HDLBP: variants seen among roughly 807,000 people sequenced by gnomAD.
HDLBP encodes high density lipoprotein binding protein, also known as vigilin.
Under a neutral mutation model 137.3 loss-of-function variants are expected in HDLBP, and 30 were observed. The ratio of observed to expected loss-of-function variants is 0.22; its 90% CI spans 0.16 to 0.30. The LOEUF (loss-of-function observed/expected upper bound fraction) is 0.30, where lower values mean the gene tolerates loss of function less well. Among genes scored for constraint, HDLBP ranks in the 10% least tolerant of loss-of-function variants. The pLI is 1.00. For synonymous variants in HDLBP, 606 were observed against 596.0 expected, an observed-to-expected ratio of 1.02 and a Z score of -0.24; for missense variants, 1,119 against 1,667.3, an observed-to-expected ratio of 0.67 and a Z score of 5.73.
chr2:241,308,134 C>T (rs913335324), intron 1 of HDLBP, among the ~76,000 whole-genome samples: 3 of 152,066 alleles, frequency 2.0e-5, no homozygotes, highest in Non-Finnish European at 4.4e-5. Context: ...TTTTTCCAGC[C>T]TGATGTGCGG....
chr2:241,293,395 G>A (rs2075068689), intron 1 of HDLBP, among the ~76,000 whole-genome samples: 1 of 152,166 alleles, frequency 6.6e-6, no homozygotes, highest in African/African-American at 2.4e-5. Flanking sequence ...CTGAGAGGCT[G>A]AGGCAGGAGG....
intron 2 of HDLBP, among the ~76,000 whole-genome samples, chr2:241,268,158 T>G (rs756018726): frequency 5.9e-5 from 9 of 152,130 alleles, no homozygotes; most frequent in African/African-American, 9.7e-5. Context: ...CTCCCCAAGT[T>G]GAAGAAAAGT....
chr2:241,307,487 A>T (rs1454333317), intron 1 of HDLBP, among the ~76,000 whole-genome samples: 1 of 152,200 alleles, frequency 6.6e-6, no homozygotes, highest in East Asian at 1.9e-4. Context: ...GTATTAATAG[A>T]TTAATACTGC....
intron 11 of HDLBP, 152 bp downstream of exon 11, chr2:241,252,805 C>G (rs2072299265): frequency 1.8e-6 from 1 of 545,202 alleles, no homozygotes; most frequent in African/African-American, 1.9e-5. Flanking sequence ...GTGGCCTCTT[C>G]CAGCAGGCAG....
chr2:241,296,789 A>G (rs1680082348), intron 1 of HDLBP, among the ~76,000 whole-genome samples: 2 of 152,146 alleles, frequency 1.3e-5, no homozygotes, highest in African/African-American at 4.8e-5. Context: ...TTAGAAACAC[A>G]TAACAAAAAA....
intron 5 of HDLBP, 133 bp from the exon 6 acceptor site, chr2:241,256,939 C>G (rs2149488377): frequency 1.3e-6 from 1 of 747,052 alleles, no homozygotes; most frequent in East Asian, 2.7e-5. Context: ...TCCATTAAAA[C>G]AGCATGAGCT....
rs200632148 is a variant in HDLBP, at chr2:241,236,735, C to T, written c.2784G>A (p.Gly928=). 8 of 1,614,158 alleles carry T rather than the reference C, an allele frequency of 5.0e-6. No homozygotes were observed. The highest frequency in any genetic ancestry group is 6.8e-6 in the Non-Finnish European group (8 of 1,180,014). ...HSTEPVVQEN[G]DEAGEGREAK... ...CCTCTCTCCCCTCCCCAGCTTCGTC[C>T]CCATTCTCCTGGACAACTGGCTCTG... The change falls in exon 21 of 28, where the codon GGG becomes GGA. Residue 928 remains glycine, a synonymous_variant. Coordinates refer to ENST00000310931, the MANE Select transcript of HDLBP (RefSeq NM_005336.6).
chr2:241,247,002 A>T, intron 15 of HDLBP, 54 bp downstream of exon 15: 1 of 1,556,524 alleles, frequency 6.4e-7, no homozygotes, highest in Admixed American at 1.7e-5. Context: ...AAAATGGTGC[A>T]GGGCTACAGA....
chr2:241,280,513 T>A (rs2074555276), intron 1 of HDLBP, among the ~76,000 whole-genome samples: 1 of 152,202 alleles, frequency 6.6e-6, no homozygotes, highest in Non-Finnish European at 1.5e-5. Context: ...TTTCAGGAAG[T>A]AACAGAAAAG....
chr2:241,272,836 C>T lies in HDLBP; in HGVS notation c.-102-4295G>A, dbSNP rs2074214846. On this transcript the variant is annotated intron_variant, in intron 1 of 27. Coordinates refer to ENST00000310931, the MANE Select transcript of HDLBP (RefSeq NM_005336.6). This position sits in a 1 kb window ranked among gnomAD's most constrained non-coding sequence, Gnocchi z 5.6. Reference sequence around the variant, plus strand: ...CGGGAGAAGCCGGGACGCTCCGAGGCGCGGCGCCCGGGCCCCGGCTGCTAT... The same window carrying T: ...CGGGAGAAGCCGGGACGCTCCGAGGTGCGGCGCCCGGGCCCCGGCTGCTAT... 1 of 281,694 alleles carries T rather than the reference C, an allele frequency of 3.5e-6. No individual in the cohort carries two copies. The highest frequency in any genetic ancestry group is 5.3e-6 in the Non-Finnish European group (1 of 186,950). The allele number at this position is 281,694 out of a possible 1,614,324, so 17.4% of individuals were successfully genotyped here. A position where few individuals can be genotyped will look rare whatever the true frequency, so the allele number is the denominator to read the frequency against.
intron 1 of HDLBP, among the ~76,000 whole-genome samples, chr2:241,284,157 C>A (rs1199390738): frequency 1.3e-5 from 2 of 152,276 alleles, no homozygotes; most frequent in South Asian, 2.1e-4. Flanking sequence ...ATTCTGCAGC[C>A]CATGGATCAA....
intron 1 of HDLBP, among the ~76,000 whole-genome samples, chr2:241,275,035 G>A (rs2074338046): frequency 6.6e-6 from 1 of 152,174 alleles, no homozygotes; most frequent in Non-Finnish European, 1.5e-5. Context: ...GGGGACTACA[G>A]GATGCCTTCT....
intron 1 of HDLBP, among the ~76,000 whole-genome samples, chr2:241,306,649 T>C (rs989844352): frequency 1.6e-4 from 25 of 152,034 alleles, no homozygotes; most frequent in Non-Finnish European, 2.8e-4. Flanking sequence ...TCATGCCTAT[T>C]ATCACAGCAC....
chr2:241,289,769 G>A (rs1277821745), intron 1 of HDLBP, among the ~76,000 whole-genome samples: 1 of 152,138 alleles, frequency 6.6e-6, no homozygotes, highest in Non-Finnish European at 1.5e-5. Flanking sequence ...CAGAATAGCA[G>A]AATGGCTGGC....
Position 241,230,327 on chromosome 2 carries a change from TTA to T in HDLBP, c.3475-60_3475-59del. ...CTCCAAGCGAGGAAAAGGGTTAAAA[TTA>T]TGTGTCAATTTCTAGTGAAGCATTT... On this transcript the variant is annotated intron_variant, in intron 25 of 27. Coordinates refer to ENST00000310931, the MANE Select transcript of HDLBP (RefSeq NM_005336.6). The surrounding 1 kb of genome is among the most constrained non-coding windows in gnomAD (Gnocchi z 5.0). The T allele has an allele frequency of 9.5e-7, 1 of 1,053,032 alleles. No individual in the cohort carries two copies. The highest frequency in any genetic ancestry group is 1.5e-5 in the South Asian group (1 of 65,854). 65.2% of individuals were successfully genotyped at this position (1,053,032 alleles called of 1,614,324 possible).
At chr2:241,258,012 G>T (rs574685638) in intron 5 of HDLBP, among the ~76,000 whole-genome samples, 1 of 152,148 alleles carries the variant, frequency 6.6e-6, no homozygotes, top group African/African-American at 2.4e-5. Flanking sequence ...CCAGCACTCC[G>T]GGAAGCCGAG....
chr2:241,266,325 A>G (rs2073673576), intron 3 of HDLBP, among the ~76,000 whole-genome samples: 1 of 152,224 alleles, frequency 6.6e-6, no homozygotes, highest in Non-Finnish European at 1.5e-5. Flanking sequence ...TAAGTACCAG[A>G]GAATCCTAAA....
At chr2:241,246,097 A>C (rs1431725745) in intron 16 of HDLBP, among the ~76,000 whole-genome samples, 1 of 152,236 alleles carries the variant, frequency 6.6e-6, no homozygotes, top group African/African-American at 2.4e-5. Flanking sequence ...AAAAAAGAAC[A>C]AACCAACAAT....
chr2:241,249,513 T>G (rs979073221), intron 12 of HDLBP: 1 of 514,708 alleles, frequency 1.9e-6, no homozygotes, highest in Non-Finnish European at 3.9e-6. Context: ...CCACCTGGGA[T>G]GCCTTTGAGA....
Sources: gnomAD v4.1 joint callset for allele counts (sites outside exome capture counted in the v4.1 genomes callset) on GRCh38, gnomAD v4.1.1 for gene constraint, Gnocchi (gnomAD v3.1) non-coding constraint, MANE v1.5 for transcripts, NCBI Gene and HGNC (gene_info 2026-07-23, HGNC 2026-07-21) for gene names.